The following SIRPB2 variants were observed in gnomAD, a reference collection of about 807,000 sequenced individuals.
SIRPB2 encodes signal regulatory protein beta 2.
In SIRPB2, 18 loss-of-function variants were observed where a neutral mutation model predicts 27.1. The observed-to-expected ratio is 0.66, with a 90% CI of 0.46 to 0.98. SIRPB2 has a LOEUF of 0.98. SIRPB2 is among the 50% of genes least tolerant of loss of function. The pLI is 0.00. For missense variants in SIRPB2, 420 were observed against 417.4 expected (o/e 1.01, Z -0.06); for synonymous variants, 150 against 164.6 (o/e 0.91, Z 0.68).
chr20:1,471,413 G>A (rs1472226770), downstream of SIRPB2, among the ~76,000 whole-genome samples: 1 of 152,208 alleles, frequency 6.6e-6, no homozygotes, highest in East Asian at 1.9e-4. Context: ...AATGTAATAT[G>A]TTAATACAAT....
intron 4 of SIRPB2, chr20:1,476,727 C>T: frequency 9.6e-7 from 1 of 1,046,898 alleles, no homozygotes. Context: ...GCCGTCTGGC[C>T]CCCATGAATG....
intron 1 of SIRPB2, 42 bp downstream of exon 1, chr20:1,491,233 C>T (rs370523347): frequency 1.3e-6 from 2 of 1,571,680 alleles, no homozygotes; most frequent in South Asian, 2.3e-5. Context: ...TAGGGACTGA[C>T]CAGCCGGGGG....
At chr20:1,484,902 TG>T (rs2090710591) in intron 1 of SIRPB2, among the ~76,000 whole-genome samples, 1 of 152,204 alleles carries the variant, frequency 6.6e-6, no homozygotes, top group African/African-American at 2.4e-5. Flanking sequence ...GAATACTATT[TG>T]GCTATAAAAA....
chr20:1,472,073 A>G (rs566097348), downstream of SIRPB2, among the ~76,000 whole-genome samples: 49 of 152,324 alleles, frequency 3.2e-4, 1 homozygote, highest in South Asian at 9.7e-3. Flanking sequence ...CACTGACATC[A>G]AGGCATCAGA....
At chr20:1,488,152 C>A (rs1244575027) in intron 1 of SIRPB2, among the ~76,000 whole-genome samples, 2 of 152,048 alleles carry the variant, frequency 1.3e-5, no homozygotes, top group Admixed American at 6.5e-5. Flanking sequence ...AATAAAAAGA[C>A]AAGTCACAGA....
At chr20:1,478,840 G>A (rs1444371480) in intron 2 of SIRPB2, among the ~76,000 whole-genome samples, 1 of 152,212 alleles carries the variant, frequency 6.6e-6, no homozygotes, top group Non-Finnish European at 1.5e-5. Flanking sequence ...ACAAGTGCCC[G>A]GCCCTGAAGC....
downstream of SIRPB2, among the ~76,000 whole-genome samples, chr20:1,471,782 G>A (rs1459422036): frequency 6.6e-6 from 1 of 152,188 alleles, no homozygotes; most frequent in Admixed American, 6.5e-5. Flanking sequence ...GTCAAATGGT[G>A]TTTGCTCCTT....
At chr20:1,486,788 T>C (rs1201676987) in intron 1 of SIRPB2, among the ~76,000 whole-genome samples, 1 of 152,186 alleles carries the variant, frequency 6.6e-6, no homozygotes, top group Non-Finnish European at 1.5e-5. Flanking sequence ...CATGCATTCC[T>C]AATAATAACT....
chr20:1,474,284 A>G (rs2090591593), downstream of SIRPB2, among the ~76,000 whole-genome samples: 1 of 152,126 alleles, frequency 6.6e-6, no homozygotes, highest in Admixed American at 6.5e-5. Flanking sequence ...AGATTAGGAC[A>G]TGGATATCTT....
At chr20:1,476,961 G>A in intron 4 of SIRPB2, 1 of 1,207,188 alleles carries the variant, frequency 8.3e-7, no homozygotes. Flanking sequence ...AGACTCAAGG[G>A]GCGAGAACCT....
intron 1 of SIRPB2, among the ~76,000 whole-genome samples, chr20:1,489,778 C>T (rs2090760437): frequency 6.6e-6 from 1 of 151,962 alleles, no homozygotes; most frequent in Non-Finnish European, 1.5e-5. Context: ...TCATATTTTT[C>T]TCGGGGCTGC....
chr20:1,476,421 A>T, intron 4 of SIRPB2, 85 bp from the exon 5 acceptor site: 1 of 1,342,682 alleles, frequency 7.4e-7, no homozygotes, highest in African/African-American at 1.5e-5. Flanking sequence ...GGGCAAGGTC[A>T]CATCCTGCTG....
downstream of SIRPB2, chr20:1,470,823 C>A (rs2090579068): frequency 6.6e-6 from 1 of 152,208 alleles, no homozygotes; most frequent in South Asian, 2.1e-4. Flanking sequence ...GCCAGGGGGA[C>A]CACCTAAAAC....
At chr20:1,479,419 T>A (rs778386796) in intron 2 of SIRPB2, 3 of 473,068 alleles carry the variant, frequency 6.3e-6, no homozygotes, top group African/African-American at 3.9e-5. Context: ...TGTGAGTAGA[T>A]GCTTGAGGTG....
downstream of SIRPB2, among the ~76,000 whole-genome samples, chr20:1,471,510 G>A (rs2090581137): frequency 6.6e-6 from 1 of 152,230 alleles, no homozygotes; most frequent in Non-Finnish European, 1.5e-5. Context: ...CAGAAAGCAA[G>A]GTTGAGAATG....
At chr20:1,488,809 T>C (rs1417775838) in intron 1 of SIRPB2, among the ~76,000 whole-genome samples, 1 of 152,204 alleles carries the variant, frequency 6.6e-6, no homozygotes, top group African/African-American at 2.4e-5. Flanking sequence ...AAAAACACTT[T>C]GGCAGTGTCT....
At chr20:1,473,425 C>A (rs1843728528), downstream of SIRPB2, among the ~76,000 whole-genome samples, 1 of 152,070 alleles carries the variant, frequency 6.6e-6, no homozygotes, top group South Asian at 2.1e-4. Flanking sequence ...CGCAGGCACA[C>A]AGATGCACAC....
Position 1,482,912 on chromosome 20 carries a change from C to T in SIRPB2, c.86-2847G>A, listed in dbSNP as rs547367241. Among the ~76,000 whole-genome samples, 25 of 152,084 alleles carry T rather than the reference C, an allele frequency of 1.6e-4. No individual in the cohort carries two copies. The South Asian group carries it at 1.7e-3, about 10-fold the overall frequency. On this transcript the variant is annotated intron_variant, in intron 1 of 4. Transcript: ENST00000359801. ...CAATTGTGAATATTGCTGCAATAAACGTAGAAATGCATGCACTCCTTTGAT... is the reference window on the plus strand; with the variant it reads ...CAATTGTGAATATTGCTGCAATAAATGTAGAAATGCATGCACTCCTTTGAT...
At chr20:1,473,129 T>G (rs1480359421), downstream of SIRPB2, 5 of 152,242 alleles carry the variant, frequency 3.3e-5, no homozygotes, top group Non-Finnish European at 5.9e-5. Context: ...TAGGGTTACT[T>G]GCTCATTGTC....
Sources: gnomAD v4.1 joint callset for allele counts (sites outside exome capture counted in the v4.1 genomes callset) on GRCh38, gnomAD v4.1.1 for gene constraint, MANE v1.5 for transcripts, NCBI Gene and HGNC (gene_info 2026-07-23, HGNC 2026-07-21) for gene names.